PEX5L: variants seen among roughly 807,000 people sequenced by gnomAD.
PEX5L encodes peroxisomal biogenesis factor 5 like, also known as PEX5-related protein.
Under a neutral mutation model 84.0 loss-of-function variants are expected in PEX5L, and 30 were observed. The observed-to-expected ratio is 0.36, with a 90% CI of 0.27 to 0.48. The LOEUF is 0.48. Ranked by LOEUF, PEX5L falls within the 20% of genes least tolerant of loss-of-function variation. The pLI is 0.99. For synonymous variants in PEX5L, 270 were observed against 283.1 expected, an observed-to-expected ratio of 0.95 and a Z score of 0.46; for missense variants, 533 against 754.6, an observed-to-expected ratio of 0.71 and a Z score of 3.44.
chr3:179,850,951 G>A (rs772479724), intron 8 of PEX5L, among the ~76,000 whole-genome samples: 1 of 152,220 alleles, frequency 6.6e-6, no homozygotes, highest in Non-Finnish European at 1.5e-5. Flanking sequence ...AATAAAAGCA[G>A]TTCAAGAATG....
intron 7 of PEX5L, among the ~76,000 whole-genome samples, chr3:179,859,907 C>G (rs558147556): frequency 3.9e-5 from 6 of 152,140 alleles, no homozygotes; most frequent in African/African-American, 1.2e-4. Flanking sequence ...TTTAATTTCA[C>G]AAAAATTGAA....
intron 2 of PEX5L, among the ~76,000 whole-genome samples, chr3:179,922,453 T>TTC (rs1240439818): frequency 7.0e-6 from 1 of 142,386 alleles, no homozygotes; most frequent in East Asian, 2.0e-4. Flanking sequence ...TTTCTTTTCT[T>TTC]TTTTTTTTTT....
Position 179,907,212 on chromosome 3 carries a change from T to TA in PEX5L, c.94-8967dup, listed in dbSNP as rs201144223. Among the ~76,000 whole-genome samples, 187 of 148,154 alleles carry TA rather than the reference T, an allele frequency of 1.3e-3. 1 individual carries two copies. The East Asian group carries it at 0.022, about 18-fold the overall frequency. ...AGTAAATAAAATATATATACCAAATTAAAAAAAAAAGTCACAAGGAAGAAT... is the reference window on the plus strand; with the variant it reads ...AGTAAATAAAATATATATACCAAATTAAAAAAAAAAAGTCACAAGGAAGAAT... On this transcript the variant is annotated intron_variant, in intron 2 of 14. Coordinates refer to ENST00000467460, the MANE Select transcript of PEX5L (RefSeq NM_016559.3).
At chr3:179,814,879 C>G (rs1456048895) in intron 10 of PEX5L, among the ~76,000 whole-genome samples, 1 of 152,146 alleles carries the variant, frequency 6.6e-6, no homozygotes, top group Non-Finnish European at 1.5e-5. Flanking sequence ...CTCTCCTCCC[C>G]TCTTCCTCTT....
intron 1 of PEX5L, among the ~76,000 whole-genome samples, chr3:180,036,000 A>C (rs1470041872): frequency 6.6e-6 from 1 of 152,156 alleles, no homozygotes; most frequent in Non-Finnish European, 1.5e-5. Flanking sequence ...TCCCCTGAAA[A>C]ACATTAGAGC....
In PEX5L at chr3:179,986,507, A is replaced by G. The variant is rs1437149945; in HGVS notation, c.22-14842T>C. Among the ~76,000 whole-genome samples the G allele has an allele frequency of 5.5e-5, 8 of 144,938 alleles. No individual in the cohort carries two copies. The East Asian group carries it at 1.6e-3, about 29-fold the overall frequency. On this transcript the variant is annotated intron_variant, in intron 1 of 14. Coordinates refer to ENST00000467460, the MANE Select transcript of PEX5L (RefSeq NM_016559.3). Reference sequence around the variant, plus strand: ...AAGCTCCGCCTCCCGGGTTCACGCCATTCTCCTGCCTCAGCCTCCCGAGTA... The same window carrying G: ...AAGCTCCGCCTCCCGGGTTCACGCCGTTCTCCTGCCTCAGCCTCCCGAGTA...
At chr3:179,840,183 G>GTGTGTTT (rs542803963) in intron 8 of PEX5L, among the ~76,000 whole-genome samples, 14 of 78,722 alleles carry the variant, frequency 1.8e-4, no homozygotes, top group Admixed American at 1.7e-4. Flanking sequence ...GTGTGTGTGT[G>GTGTGTTT]TTTTTTTTTT....
chr3:179,923,064 C>A (rs554139007), intron 2 of PEX5L, among the ~76,000 whole-genome samples: 1 of 151,558 alleles, frequency 6.6e-6, no homozygotes, highest in Non-Finnish European at 1.5e-5. Flanking sequence ...CCGAGGCGGG[C>A]GGATCACGAA....
At chr3:179,972,470 T>C (rs1313582208) in intron 1 of PEX5L, among the ~76,000 whole-genome samples, 2 of 152,080 alleles carry the variant, frequency 1.3e-5, no homozygotes, top group Non-Finnish European at 2.9e-5. Flanking sequence ...AACGCAACGG[T>C]TGATGAGAAT....
chr3:179,850,860 A>T (rs1008455998), intron 8 of PEX5L, among the ~76,000 whole-genome samples: 1 of 152,188 alleles, frequency 6.6e-6, no homozygotes, highest in African/African-American at 2.4e-5. Flanking sequence ...AGCAAAAGAA[A>T]ATTTGAGGAG....
chr3:179,808,259 T>C lies in PEX5L; in HGVS notation c.1518+13A>G. On this transcript the variant is annotated intron_variant, in intron 13 of 14. Transcript: ENST00000467460. The stretch of plus-strand genomic sequence containing the variant: ...AGAACGCTGTGGTTTCTTGCTGTGC[T>C]GTGCTGTCTTACCTCTGGCCGAACA... 1 of 1,540,190 alleles carries C rather than the reference T, an allele frequency of 6.5e-7. No individual in the cohort carries two copies. Among genetic ancestry groups the C allele is most frequent in the Non-Finnish European group, 8.7e-7 (1 of 1,146,122 alleles).
At chr3:179,970,816 T>G (rs2031043) in intron 2 of PEX5L, among the ~76,000 whole-genome samples, 36,717 of 152,064 alleles carry the variant, frequency 0.24, 4,766 homozygotes, top group East Asian at 0.52. Flanking sequence ...TCAGATCTCT[T>G]TGAATTATTT....
At chr3:179,978,579 T>C (rs977958051) in intron 1 of PEX5L, among the ~76,000 whole-genome samples, 7 of 152,182 alleles carry the variant, frequency 4.6e-5, no homozygotes, top group African/African-American at 1.7e-4. Context: ...TTAAAGTATA[T>C]ACACTATCAC....
intron 2 of PEX5L, chr3:179,900,658 G>C (rs1401082564): frequency 3.3e-5 from 51 of 1,526,732 alleles, no homozygotes; most frequent in Non-Finnish European, 4.1e-5. Flanking sequence ...ATTTCTTGCA[G>C]AAAAAACCCA....
intron 9 of PEX5L, 61 bp downstream of exon 9, chr3:179,819,798 TA>T: frequency 7.0e-7 from 1 of 1,424,076 alleles, no homozygotes; most frequent in Non-Finnish European, 9.9e-7. Context: ...GACTAATCTA[TA>T]AAATATGATC....
intron 4 of PEX5L, chr3:179,881,467 ATCTC>A (rs1411811746): frequency 1.3e-5 from 2 of 152,306 alleles, no homozygotes; most frequent in East Asian, 1.9e-4. Flanking sequence ...AAGTTTCTTG[ATCTC>A]TCTGAGTTTC....
At chr3:179,873,978 C>T (rs6443676) in intron 7 of PEX5L, among the ~76,000 whole-genome samples, 69,848 of 151,794 alleles carry the variant, frequency 0.46, 16,492 homozygotes, top group East Asian at 0.79. Context: ...GCAATTTCCT[C>T]TCCATCGAGT....
At chr3:179,910,663 T>G (rs1183050875) in intron 2 of PEX5L, among the ~76,000 whole-genome samples, 1 of 152,230 alleles carries the variant, frequency 6.6e-6, no homozygotes, top group African/African-American at 2.4e-5. Flanking sequence ...AGACACAGCC[T>G]GACTCGTTTC....
intron 2 of PEX5L, among the ~76,000 whole-genome samples, chr3:179,923,777 T>C (rs1346817136): frequency 6.6e-6 from 1 of 152,188 alleles, no homozygotes; most frequent in African/African-American, 2.4e-5. Flanking sequence ...AAGTCTGACA[T>C]AAGAACTAGA....
Sources: allele counts gnomAD v4.1 joint callset (sites outside exome capture counted in the v4.1 genomes callset), GRCh38; gene constraint gnomAD v4.1.1; transcripts MANE v1.5; gene names NCBI Gene and HGNC (gene_info 2026-07-23, HGNC 2026-07-21).